The following AOPEP variants were observed in gnomAD, a reference collection of about 807,000 sequenced individuals.
AOPEP encodes the protein aminopeptidase O (putative).
In AOPEP, 77 loss-of-function variants were observed where a neutral mutation model predicts 98.1. That is an observed-to-expected ratio of 0.78 (90% confidence interval 0.65 to 0.95). The LOEUF (loss-of-function observed/expected upper bound fraction) is 0.95, where lower values mean the gene tolerates loss of function less well. AOPEP is among the 40% of genes least tolerant of loss of function. The pLI is 0.00. For missense variants in AOPEP, 1,024 were observed against 1,024.7 expected (o/e 1.00, Z 0.01); for synonymous variants, 346 against 365.3 (o/e 0.95, Z 0.60).
At chr9:94,948,288 A>G (rs2057833372) in intron 7 of AOPEP, among the ~76,000 whole-genome samples, 1 of 151,998 alleles carries the variant, frequency 6.6e-6, no homozygotes, top group Non-Finnish European at 1.5e-5. Context: ...TCTGTTTTTT[A>G]GCCTTGTATA....
At chr9:94,981,986 A>C (rs1376127161) in intron 11 of AOPEP, among the ~76,000 whole-genome samples, 3 of 152,216 alleles carry the variant, frequency 2.0e-5, no homozygotes, top group Non-Finnish European at 2.9e-5. Flanking sequence ...AAATAGCTTC[A>C]GTAAAAGTGA....
chr9:94,863,775 C>A (rs2045386487), intron 5 of AOPEP, among the ~76,000 whole-genome samples: 1 of 152,158 alleles, frequency 6.6e-6, no homozygotes, highest in Non-Finnish European at 1.5e-5. Context: ...TTTGGAAATG[C>A]AGCAAGTGTA....
At chr9:94,854,793 C>T (rs2043972995) in intron 5 of AOPEP, among the ~76,000 whole-genome samples, 1 of 152,130 alleles carries the variant, frequency 6.6e-6, no homozygotes, top group South Asian at 2.1e-4. Flanking sequence ...CATGAAATCA[C>T]CTCATAATTT....
intron 11 of AOPEP, among the ~76,000 whole-genome samples, chr9:94,983,987 A>ATGTGGT (rs1376412233): frequency 6.6e-6 from 1 of 151,460 alleles, no homozygotes. Flanking sequence ...CACTAGCTAC[A>ATGTGGT]TGTGGTTGGT....
At chr9:95,127,712 T>C in the AOPEP span, among the ~76,000 whole-genome samples, 1 of 152,170 alleles carries the variant, frequency 6.6e-6, no homozygotes. Flanking sequence ...CAGGCCCCCG[T>C]CGGCAAGAAA....
At chr9:94,766,410 G>A (rs765847102) in intron 2 of AOPEP, among the ~76,000 whole-genome samples, 66 of 152,166 alleles carry the variant, frequency 4.3e-4, no homozygotes, top group Admixed American at 9.2e-4. Flanking sequence ...GGTGGCGGGC[G>A]CCCGTTGTCC....
intron 14 of AOPEP, among the ~76,000 whole-genome samples, chr9:95,078,408 T>C (rs2069324291): frequency 6.6e-6 from 1 of 152,252 alleles, no homozygotes; most frequent in East Asian, 1.9e-4. Context: ...AATTGTATAA[T>C]GTCCTCCAAG....
chr9:94,976,893 C>T (rs1428044061), intron 10 of AOPEP, among the ~76,000 whole-genome samples: 1 of 152,172 alleles, frequency 6.6e-6, no homozygotes, highest in Non-Finnish European at 1.5e-5. Flanking sequence ...TCTTGAACTC[C>T]TGGCCTCAAG....
chr9:94,745,416 C>T (rs746642239), intron 1 of AOPEP, among the ~76,000 whole-genome samples: 2 of 152,044 alleles, frequency 1.3e-5, no homozygotes, highest in Admixed American at 6.5e-5. Flanking sequence ...GCTGGGACTA[C>T]AGGCGCCTGC....
chr9:94,783,781 C>A (rs568904952), intron 3 of AOPEP, among the ~76,000 whole-genome samples: 1 of 152,072 alleles, frequency 6.6e-6, no homozygotes, highest in South Asian at 2.1e-4. Context: ...TATACATATT[C>A]CTGTAAACAT....
chr9:95,112,080 A>C, the AOPEP span, among the ~76,000 whole-genome samples: 6 of 152,360 alleles, frequency 3.9e-5, no homozygotes, highest in Admixed American at 1.3e-4. Context: ...ATATTTCAGC[A>C]ACTACGAATT....
chr9:95,066,065 A>G (rs1026228721), intron 14 of AOPEP, among the ~76,000 whole-genome samples: 2 of 152,256 alleles, frequency 1.3e-5, no homozygotes, highest in African/African-American at 4.8e-5. Flanking sequence ...TACTTTAGAC[A>G]TATCTTTTTA....
At chr9:94,908,668 G>A (rs1415681919) in intron 5 of AOPEP, among the ~76,000 whole-genome samples, 1 of 152,160 alleles carries the variant, frequency 6.6e-6, no homozygotes, top group Non-Finnish European at 1.5e-5. Context: ...CAGAGGTAGA[G>A]AGGGGAAACC....
chr9:95,104,239 G>C, the AOPEP span, among the ~76,000 whole-genome samples: 1 of 152,234 alleles, frequency 6.6e-6, no homozygotes, highest in African/African-American at 2.4e-5. Context: ...AGACTGACGT[G>C]TCAATAAAGA....
At chr9:94,844,088 C>T (rs1018276080) in intron 5 of AOPEP, among the ~76,000 whole-genome samples, 2 of 151,966 alleles carry the variant, frequency 1.3e-5, no homozygotes, top group Non-Finnish European at 2.9e-5. Flanking sequence ...GCAGAGTCTC[C>T]CTCTGTCGCC....
At position 94,914,523 on chromosome 9, in the gene AOPEP, C is replaced by CGTGTGTGTGTGTGTGTGTGT. The variant is rs67826706; in HGVS notation, c.1365-9444_1365-9425dup. 2.3e-3 allele frequency among the ~76,000 whole-genome samples: 329 copies of CGTGTGTGTGTGTGTGTGTGT among 143,688 alleles called. 2 individuals carry two copies. Among genetic ancestry groups the CGTGTGTGTGTGTGTGTGTGT allele is most frequent in the Non-Finnish European group, 3.8e-3 (248 of 65,766 alleles). The allele number at this position is 143,688 out of a possible 152,430, so 94.3% of individuals were successfully genotyped here. A position where few individuals can be genotyped will look rare whatever the true frequency, so the allele number is the denominator to read the frequency against. Reference sequence around the variant, plus strand: ...TAAAATATTGCCCTTTGGCATTAGACGTGTGTGTGTGTGTGTGTGTGTGTG... The same window carrying CGTGTGTGTGTGTGTGTGTGT: ...TAAAATATTGCCCTTTGGCATTAGACGTGTGTGTGTGTGTGTGTGTGTGTGTGTGTGTGTGTGTGTGTGTG... On this transcript the variant is annotated intron_variant, in intron 5 of 16. Coordinates refer to ENST00000375315, the MANE Select transcript of AOPEP (RefSeq NM_001193329.3).
intron 5 of AOPEP, among the ~76,000 whole-genome samples, chr9:94,841,864 C>T (rs1316317495): frequency 1.3e-5 from 2 of 152,032 alleles, no homozygotes; most frequent in Non-Finnish European, 2.9e-5. Context: ...CCAGCCAGGG[C>T]AACAAAGCGA....
intron 3 of AOPEP, among the ~76,000 whole-genome samples, chr9:94,777,011 C>G (rs1209511181): frequency 6.6e-6 from 1 of 151,312 alleles, no homozygotes. Flanking sequence ...TATGAACAAT[C>G]CTTGGCTAGG....
intron 14 of AOPEP, among the ~76,000 whole-genome samples, chr9:95,071,275 A>G (rs1052212411): frequency 1.4e-5 from 2 of 143,642 alleles, no homozygotes; most frequent in Non-Finnish European, 3.1e-5. Flanking sequence ...GAGTGCTGAC[A>G]TGACCCTCCC....
Sources: gnomAD v4.1 joint callset for allele counts (sites outside exome capture counted in the v4.1 genomes callset) on GRCh38, gnomAD v4.1.1 for gene constraint, MANE v1.5 for transcripts, NCBI Gene and HGNC (gene_info 2026-07-23, HGNC 2026-07-21) for gene names.